Variants in COPG2 observed in about 807,000 individuals in gnomAD.
COPG2 encodes the protein coat protein complex I subunit gamma 2.
COPG2 carries 37 observed loss-of-function variants against 46.3 expected under a neutral mutation model. The observed-to-expected ratio is 0.80, with a 90% CI of 0.61 to 1.05. COPG2 has a LOEUF of 1.05. Ranked by LOEUF, COPG2 falls within the 50% of genes least tolerant of loss-of-function variation. The probability of loss-of-function intolerance (pLI) is 0.00; values close to 1 mark genes in which losing one functional copy is unlikely to be tolerated. For synonymous variants in COPG2, 159 were observed against 129.7 expected (o/e 1.23, Z -1.53); for missense variants, 427 against 387.8 (o/e 1.10, Z -0.85).
At chr7:130,585,498 C>T (rs559594385) in intron 9 of COPG2, among the ~76,000 whole-genome samples, 3 of 152,010 alleles carry the variant, frequency 2.0e-5, no homozygotes, top group East Asian at 1.9e-4. Context: ...AGCTTTTGCA[C>T]GGCAAAAGGA....
chr7:130,604,128 G>A (rs1554450861), intron 9 of COPG2, among the ~76,000 whole-genome samples: 2 of 152,294 alleles, frequency 1.3e-5, no homozygotes. Context: ...CTCAAGGGTG[G>A]CAGAGGTGGA....
intron 20 of COPG2, among the ~76,000 whole-genome samples, chr7:130,519,377 T>TC (rs1799707243): frequency 6.6e-6 from 1 of 152,128 alleles, no homozygotes; most frequent in Admixed American, 6.5e-5. Context: ...GGACTTAAAA[T>TC]GGGTCAGAGC....
chr7:130,602,942 C>A (rs1794664838), intron 9 of COPG2: 1 of 152,144 alleles, frequency 6.6e-6, no homozygotes. Flanking sequence ...CATTATTTCT[C>A]ATGTTGTCAT....
At chr7:130,616,883 T>A in intron 6 of COPG2, 107 bp downstream of exon 6, 1 of 653,552 alleles carries the variant, frequency 1.5e-6, no homozygotes, top group Non-Finnish European at 2.7e-6. Flanking sequence ...GTTTCTCTTA[T>A]ACTGAAAATT....
intron 20 of COPG2, among the ~76,000 whole-genome samples, chr7:130,523,974 G>C (rs1799751625): frequency 6.6e-6 from 1 of 152,060 alleles, no homozygotes; most frequent in Non-Finnish European, 1.5e-5. Flanking sequence ...AGGGGGATGA[G>C]GGTGGGTAGG....
Position 130,660,925 on chromosome 7 carries a change from G to A in COPG2, c.243+2042C>T, listed in dbSNP as rs139150486. 2.8e-3 allele frequency among the ~76,000 whole-genome samples: 430 copies of A among 152,190 alleles called. 1 individual carries two copies. The highest frequency in any genetic ancestry group is 4.9e-3 in the Non-Finnish European group (331 of 68,014). On this transcript the variant is annotated intron_variant, in intron 4 of 23. Transcript: ENST00000425248. ...CCTCCTAACCGAAGATTCCACAGTC[G>A]ATGTTCCAACCACTCAACTTTTTTG...
intron 9 of COPG2, among the ~76,000 whole-genome samples, chr7:130,576,222 TAAC>T: frequency 6.6e-6 from 1 of 152,222 alleles, no homozygotes; most frequent in Middle Eastern, 3.4e-3. Context: ...CAAATGGACT[TAAC>T]AAATATATAG....
At chr7:130,519,106 A>G (rs1214261473) in intron 20 of COPG2, among the ~76,000 whole-genome samples, 1 of 152,062 alleles carries the variant, frequency 6.6e-6, no homozygotes, top group Non-Finnish European at 1.5e-5. Context: ...TGGGGTGCTG[A>G]GCATGCAATG....
chr7:130,549,622 A>C (rs1793504392), intron 17 of COPG2, among the ~76,000 whole-genome samples: 1 of 152,230 alleles, frequency 6.6e-6, no homozygotes, highest in South Asian at 2.1e-4. Flanking sequence ...AATGGACTGG[A>C]ATGTACAAAA....
intron 20 of COPG2, among the ~76,000 whole-genome samples, chr7:130,527,520 A>G (rs1799785469): frequency 6.6e-6 from 1 of 151,764 alleles, no homozygotes; most frequent in Non-Finnish European, 1.5e-5. Flanking sequence ...GGCCTATCCA[A>G]TCATCTGAAG....
chr7:130,598,692 T>C (rs1794575808), intron 9 of COPG2, among the ~76,000 whole-genome samples: 1 of 152,228 alleles, frequency 6.6e-6, no homozygotes, highest in Non-Finnish European at 1.5e-5. Context: ...CGGAGGGGCT[T>C]GCGCTGCAAT....
intron 5 of COPG2, among the ~76,000 whole-genome samples, chr7:130,625,071 A>T (rs1237573954): frequency 1.3e-5 from 2 of 152,196 alleles, no homozygotes; most frequent in Non-Finnish European, 2.9e-5. Flanking sequence ...CTATGCCAAC[A>T]TCTATTGTTT....
intron 3 of COPG2, among the ~76,000 whole-genome samples, chr7:130,666,436 T>C (rs10954275): frequency 0.2 from 29,816 of 152,090 alleles, 3,109 homozygotes; most frequent in Middle Eastern, 0.25. Flanking sequence ...AAAGGAAGTA[T>C]AGGTTAAACA....
chr7:130,579,467 CATA>C (rs1336052680), intron 9 of COPG2, among the ~76,000 whole-genome samples: 1 of 150,200 alleles, frequency 6.7e-6, no homozygotes, highest in Non-Finnish European at 1.5e-5. Context: ...CAGCTAACAT[CATA>C]ATGACAGGAT....
At chr7:130,627,996 CTTCA>C (rs1227068877) in intron 5 of COPG2, among the ~76,000 whole-genome samples, 1 of 152,060 alleles carries the variant, frequency 6.6e-6, no homozygotes, top group Admixed American at 6.5e-5. Context: ...AGTATACAGC[CTTCA>C]TTGTCTTCAA....
At chr7:130,531,046 T>G in intron 20 of COPG2, among the ~76,000 whole-genome samples, 1 of 30,634 alleles carries the variant, frequency 3.3e-5, no homozygotes, top group Non-Finnish European at 6.9e-5. Flanking sequence ...ACGGATCCGG[T>G]GGGGAAGGGT....
intron 3 of COPG2, among the ~76,000 whole-genome samples, chr7:130,665,897 A>C (rs1554461378): frequency 6.6e-6 from 1 of 151,922 alleles, no homozygotes; most frequent in East Asian, 1.9e-4. Context: ...CAGAATCTAC[A>C]TTTCATGAGC....
intron 20 of COPG2, among the ~76,000 whole-genome samples, chr7:130,542,932 C>T (rs1369822323): frequency 2.6e-5 from 4 of 152,258 alleles, no homozygotes; most frequent in African/African-American, 9.6e-5. Flanking sequence ...GGTATCATGG[C>T]TGAGTGTAGG....
At chr7:130,653,306 T>C (rs1016089371) in intron 4 of COPG2, among the ~76,000 whole-genome samples, 1 of 152,108 alleles carries the variant, frequency 6.6e-6, no homozygotes, top group Non-Finnish European at 1.5e-5. Flanking sequence ...TAGGCTGGAG[T>C]GCAATGGCGC....
Sources: gnomAD v4.1 joint callset for allele counts (sites outside exome capture counted in the v4.1 genomes callset) on GRCh38, gnomAD v4.1.1 for gene constraint, MANE v1.5 for transcripts, NCBI Gene and HGNC (gene_info 2026-07-23, HGNC 2026-07-21) for gene names.